The following TUSC3 variants were observed in gnomAD, a reference collection of about 807,000 sequenced individuals.
The protein encoded by TUSC3 is dolichyl-diphosphooligosaccharide--protein glycosyltransferase subunit TUSC3.
In TUSC3, 45 loss-of-function variants were observed where a neutral mutation model predicts 44.8. That is an observed-to-expected ratio of 1.00 (90% CI 0.79 to 1.29). The LOEUF (loss-of-function observed/expected upper bound fraction) is 1.29. Among genes scored for constraint, TUSC3 ranks in the 50% most tolerant of loss-of-function variants. The pLI is 0.00. For synonymous variants in TUSC3, 212 were observed against 152.9 expected (o/e 1.39, Z -2.85); for missense variants, 519 against 437.9 (o/e 1.19, Z -1.65).
chr8:15,674,268 CTT>C (rs1331793884), intron 6 of TUSC3, among the ~76,000 whole-genome samples: 1 of 151,942 alleles, frequency 6.6e-6, no homozygotes, highest in Admixed American at 6.6e-5. Flanking sequence ...GTTAGGAACT[CTT>C]TGCCACAGAA....
intron 1 of TUSC3, among the ~76,000 whole-genome samples, chr8:15,552,433 G>C (rs553977022): frequency 4.6e-5 from 7 of 151,716 alleles, no homozygotes; most frequent in African/African-American, 1.7e-4. Flanking sequence ...AGAAAATCAG[G>C]CAGTTATAAT....
At chr8:15,726,710 G>A (rs913134563) in intron 6 of TUSC3, among the ~76,000 whole-genome samples, 1 of 152,140 alleles carries the variant, frequency 6.6e-6, no homozygotes, top group Non-Finnish European at 1.5e-5. Flanking sequence ...CGAGGCTGAG[G>A]CAGGATAATC....
intron 7 of TUSC3, among the ~76,000 whole-genome samples, chr8:15,738,267 T>A (rs946841256): frequency 5.9e-5 from 9 of 152,202 alleles, no homozygotes; most frequent in African/African-American, 1.9e-4. Context: ...AAATTCCCAC[T>A]TTAAGGTTGT....
the TUSC3 span, among the ~76,000 whole-genome samples, chr8:15,832,735 A>C: frequency 0.74 from 112,994 of 152,012 alleles, 43,953 homozygotes; most frequent in Non-Finnish European, 0.86. Flanking sequence ...ACCTAACTAT[A>C]CTAAATATAT....
intron 2 of TUSC3, among the ~76,000 whole-genome samples, chr8:15,626,040 C>T (rs559250199): frequency 6.6e-6 from 1 of 152,284 alleles, no homozygotes; most frequent in African/African-American, 2.4e-5. Flanking sequence ...GCGAGGGAGG[C>T]TGGGTGGTAG....
intron 1 of TUSC3, among the ~76,000 whole-genome samples, chr8:15,601,230 T>C (rs549797493): frequency 1.3e-5 from 2 of 151,874 alleles, no homozygotes; most frequent in East Asian, 3.9e-4. Flanking sequence ...CTTATTATCA[T>C]GGCTGGGTAA....
At chr8:15,793,436 T>A in the TUSC3 span, among the ~76,000 whole-genome samples, 1 of 152,098 alleles carries the variant, frequency 6.6e-6, no homozygotes, top group African/African-American at 2.4e-5. Flanking sequence ...TTATTTCTTC[T>A]GCTCTGACCT....
chr8:15,465,682 C>T (rs183222723), intron 1 of TUSC3, among the ~76,000 whole-genome samples: 2 of 152,312 alleles, frequency 1.3e-5, no homozygotes, highest in African/African-American at 4.8e-5. Flanking sequence ...TATCTGCAAA[C>T]ACCTTTCATC....
At chr8:15,526,085 T>A (rs1801369567) in intron 2 of TUSC3, among the ~76,000 whole-genome samples, 1 of 151,836 alleles carries the variant, frequency 6.6e-6, no homozygotes. Flanking sequence ...CAGGCTGGAG[T>A]GCAGTGGCAC....
chr8:15,748,137 A>C (rs954063019), intron 8 of TUSC3, among the ~76,000 whole-genome samples: 1 of 152,096 alleles, frequency 6.6e-6, no homozygotes, highest in African/African-American at 2.4e-5. Context: ...TGTTGTTTTC[A>C]TACCACAAAT....
At chr8:15,833,607 C>G in the TUSC3 span, among the ~76,000 whole-genome samples, 1 of 152,098 alleles carries the variant, frequency 6.6e-6, no homozygotes, top group African/African-American at 2.4e-5. Flanking sequence ...AAATACCACA[C>G]AGTCTCATTT....
chr8:15,675,531 G>A (rs1052960096), intron 6 of TUSC3, among the ~76,000 whole-genome samples: 11 of 151,666 alleles, frequency 7.3e-5, no homozygotes, highest in African/African-American at 2.7e-4. Flanking sequence ...ACTAAGGATT[G>A]GGGTATGAAT....
intron 6 of TUSC3, among the ~76,000 whole-genome samples, chr8:15,679,686 G>T (rs1394492376): frequency 1.3e-5 from 2 of 152,024 alleles, no homozygotes; most frequent in Non-Finnish European, 2.9e-5. Context: ...TGTCCAAAAG[G>T]ATATTTCTTA....
At chr8:15,733,711 A>G (rs1427753406) in intron 7 of TUSC3, 1 of 153,748 alleles carries the variant, frequency 6.5e-6, no homozygotes. Context: ...ATCTATTACT[A>G]AGAAAGAGAA....
At chr8:15,643,758 G>A (rs1057340664) in intron 2 of TUSC3, among the ~76,000 whole-genome samples, 2 of 152,182 alleles carry the variant, frequency 1.3e-5, no homozygotes, top group African/African-American at 4.8e-5. Context: ...GCCCTGATAT[G>A]TATAGCGCAA....
At chr8:15,833,958 A>C in the TUSC3 span, among the ~76,000 whole-genome samples, 1 of 152,304 alleles carries the variant, frequency 6.6e-6, no homozygotes, top group African/African-American at 2.4e-5. Context: ...GTAGTCTGAA[A>C]ATCATATTTA....
intron 2 of TUSC3, among the ~76,000 whole-genome samples, chr8:15,632,590 T>C (rs1805821748): frequency 6.6e-6 from 1 of 152,136 alleles, no homozygotes; most frequent in Admixed American, 6.5e-5. Flanking sequence ...TCTCAGTAAT[T>C]TTTTACCCAG....
chr8:15,531,925 G>A (rs917963100), intron 2 of TUSC3, among the ~76,000 whole-genome samples: 1 of 152,150 alleles, frequency 6.6e-6, no homozygotes, highest in Non-Finnish European at 1.5e-5. Flanking sequence ...GAAAGAAACT[G>A]TCATGAAATT....
intron 3 of TUSC3, among the ~76,000 whole-genome samples, chr8:15,653,732 A>G (rs1807022382): frequency 6.6e-6 from 1 of 152,188 alleles, no homozygotes; most frequent in Non-Finnish European, 1.5e-5. Flanking sequence ...GGAGAAGTAT[A>G]TGTTTTGCTT....
Sources: gnomAD v4.1 joint callset for allele counts (sites outside exome capture counted in the v4.1 genomes callset) on GRCh38, gnomAD v4.1.1 for gene constraint, MANE v1.5 for transcripts, NCBI Gene and HGNC (gene_info 2026-07-23, HGNC 2026-07-21) for gene names.